The following XYLT1 variants were observed in gnomAD, a reference collection of about 807,000 sequenced individuals.
The protein encoded by XYLT1 is beta-D-xylosyltransferase 1.
XYLT1 carries 36 observed loss-of-function variants against 91.3 expected under a neutral mutation model. The ratio of observed to expected loss-of-function variants is 0.39; its 90% confidence interval spans 0.30 to 0.52. The LOEUF is 0.52. Among genes scored for constraint, XYLT1 ranks in the 20% least tolerant of loss-of-function variants. The pLI is 0.68. For missense variants in XYLT1, 1,242 were observed against 1,284.5 expected (o/e 0.97, Z 0.51); for synonymous variants, 588 against 532.0 (o/e 1.11, Z -1.45).
intron 9 of XYLT1, 149 bp downstream of exon 9, chr16:17,134,324 G>T: frequency 1.9e-6 from 2 of 1,040,626 alleles, no homozygotes; most frequent in Non-Finnish European, 1.4e-6. Context: ...GGAGGGTGGC[G>T]TTAGATGAGT....
chr16:17,117,930 C>T lies in XYLT1; in HGVS notation c.2273G>A (p.Gly758Asp), dbSNP rs750045412. The T allele has an allele frequency of 6.2e-7, 1 of 1,613,870 alleles. No homozygotes were observed. Among genetic ancestry groups the T allele is most frequent in the Admixed American group, 1.7e-5 (1 of 60,004 alleles). ...AKERLFRNFGGLLGPMDEPVG... is the reference protein window; with the variant it reads ...AKERLFRNFGDLLGPMDEPVG... ...CGGCTCATCCATGGGCCCCAGAAGA[C>T]CCCCAAAGTTGCGGAATAGCCTCTC... is the stretch of plus-strand genomic sequence containing the variant. The change falls in exon 11 of 12, where the codon GGT (glycine) becomes GAT (aspartate). Residue 758 changes from glycine to aspartate, a missense_variant. Physicochemically the swap from Gly to Asp is moderately conservative, Grantham distance 94. Transcript: ENST00000261381.
At chr16:17,213,456 C>A (rs911223878) in intron 3 of XYLT1, among the ~76,000 whole-genome samples, 2 of 152,254 alleles carry the variant, frequency 1.3e-5, no homozygotes, top group Admixed American at 1.3e-4. Context: ...GGGAGGCATT[C>A]TGACTATTCC....
At chr16:17,400,985 T>TACACACACACACAC (rs71373111) in intron 1 of XYLT1, among the ~76,000 whole-genome samples, 9 of 148,682 alleles carry the variant, frequency 6.1e-5, no homozygotes, top group African/African-American at 2.2e-4. Context: ...CTCTCTTTCA[T>TACACACACACACAC]ACACACACAC....
At chr16:17,386,180 A>G (rs1429694211) in intron 1 of XYLT1, among the ~76,000 whole-genome samples, 1 of 152,178 alleles carries the variant, frequency 6.6e-6, no homozygotes, top group Admixed American at 6.5e-5. Flanking sequence ...TTTTACTGCT[A>G]CCCAAATGTG....
intron 8 of XYLT1, among the ~76,000 whole-genome samples, chr16:17,136,409 T>TCTGTGGTGG (rs2030723290): frequency 6.6e-6 from 1 of 152,166 alleles, no homozygotes; most frequent in African/African-American, 2.4e-5. Flanking sequence ...AGGAAACCTC[T>TCTGTGGTGG]CTGTGGTGGG....
intron 2 of XYLT1, among the ~76,000 whole-genome samples, chr16:17,264,446 G>A (rs1037709408): frequency 6.6e-6 from 1 of 152,176 alleles, no homozygotes; most frequent in Admixed American, 6.5e-5. Flanking sequence ...GTGTGTATAT[G>A]CCACATTTTC....
At chr16:17,236,179 G>A (rs1280630913) in intron 3 of XYLT1, among the ~76,000 whole-genome samples, 1 of 152,126 alleles carries the variant, frequency 6.6e-6, no homozygotes, top group Non-Finnish European at 1.5e-5. Flanking sequence ...GAGGGAAGCT[G>A]GAGATCTTGA....
chr16:17,138,573 C>T (rs2030855173), intron 7 of XYLT1, 42 bp from the exon 8 acceptor site: 5 of 1,595,626 alleles, frequency 3.1e-6, no homozygotes, highest in Non-Finnish European at 3.4e-6. Context: ...CTCTCCCAGC[C>T]TCCCACAGAT....
At chr16:17,252,271 G>A (rs1218451413) in intron 3 of XYLT1, among the ~76,000 whole-genome samples, 1 of 152,146 alleles carries the variant, frequency 6.6e-6, no homozygotes, top group Non-Finnish European at 1.5e-5. Context: ...CCATTTTACT[G>A]TGCAGACTGA....
intron 5 of XYLT1, among the ~76,000 whole-genome samples, chr16:17,186,658 A>G (rs56168920): frequency 0.24 from 36,016 of 151,864 alleles, 5,025 homozygotes; most frequent in African/African-American, 0.39. Flanking sequence ...TGAGAAGCAC[A>G]TAGTGAGATG....
At chr16:17,285,803 T>C (rs1163710032) in intron 2 of XYLT1, among the ~76,000 whole-genome samples, 1 of 152,168 alleles carries the variant, frequency 6.6e-6, no homozygotes, top group African/African-American at 2.4e-5. Context: ...CCTAAAAATG[T>C]GTCCTTCTGA....
intron 2 of XYLT1, among the ~76,000 whole-genome samples, chr16:17,273,008 C>T (rs1312707763): frequency 6.6e-6 from 1 of 152,160 alleles, no homozygotes; most frequent in Admixed American, 6.5e-5. Flanking sequence ...ACATCAGAAA[C>T]CCAGCAGGAC....
Position 17,117,942 on chromosome 16 carries a change from C to T in XYLT1, c.2261G>A (p.Arg754His), listed in dbSNP as rs555809214. Residue 754 changes from arginine (R) to histidine (H), a missense_variant, in exon 11 of 12, where the codon CGC becomes CAC. Arg to His is a conservative substitution (Grantham distance 29). This residue lies in a region of XYLT1 where 511 missense variants were observed against 497.0 expected (regional missense o/e 1.03). Coordinates refer to ENST00000261381, the MANE Select transcript of XYLT1 (RefSeq NM_022166.4). The stretch of plus-strand genomic sequence containing the variant: ...GGGCCCCAGAAGACCCCCAAAGTTG[C>T]GGAATAGCCTCTCCTTGGCATCCCA... Reference protein sequence around the residue: ...TDWDAKERLFRNFGGLLGPMD... With the variant: ...TDWDAKERLFHNFGGLLGPMD... 3.9e-5 allele frequency: 63 copies of T among 1,613,250 alleles called. No homozygotes were observed. Among genetic ancestry groups the T allele is most frequent in the East Asian group, 1.8e-4 (8 of 44,846 alleles).
chr16:17,154,108 GC>G (rs2031348597), intron 6 of XYLT1, among the ~76,000 whole-genome samples: 1 of 152,174 alleles, frequency 6.6e-6, no homozygotes, highest in Non-Finnish European at 1.5e-5. Flanking sequence ...CCTGGAATGC[GC>G]CCAGCGTGGG....
At chr16:17,215,216 C>T (rs2032833264) in intron 3 of XYLT1, among the ~76,000 whole-genome samples, 3 of 152,252 alleles carry the variant, frequency 2.0e-5, no homozygotes, top group African/African-American at 7.2e-5. Flanking sequence ...ATTAGCCAGG[C>T]ATGGTGGTAG....
At chr16:17,426,297 T>C (rs1272981615) in intron 1 of XYLT1, among the ~76,000 whole-genome samples, 1 of 152,142 alleles carries the variant, frequency 6.6e-6, no homozygotes, top group East Asian at 1.9e-4. Flanking sequence ...CGGTGGCTCA[T>C]ACCTGTAATC....
chr16:17,395,822 C>T (rs1448565128), intron 1 of XYLT1, among the ~76,000 whole-genome samples: 2 of 152,164 alleles, frequency 1.3e-5, no homozygotes, highest in Non-Finnish European at 2.9e-5. Flanking sequence ...TCTTCAGGGA[C>T]CCTTCGGGGA....
At chr16:17,286,767 C>G (rs367618297) in intron 2 of XYLT1, among the ~76,000 whole-genome samples, 1 of 152,218 alleles carries the variant, frequency 6.6e-6, no homozygotes. Context: ...ACCTTCACCA[C>G]AAAGTATAGC....
chr16:17,411,935 T>C (rs2036114551), intron 1 of XYLT1, among the ~76,000 whole-genome samples: 1 of 152,102 alleles, frequency 6.6e-6, no homozygotes, highest in Non-Finnish European at 1.5e-5. Flanking sequence ...CATCACTAGG[T>C]GGCCCGGAGG....
Sources: gnomAD v4.1 joint callset for allele counts (sites outside exome capture counted in the v4.1 genomes callset) on GRCh38, gnomAD v4.1.1 for gene constraint, gnomAD v4.1.1 regional missense constraint, MANE v1.5 for transcripts, NCBI Gene and HGNC (gene_info 2026-07-23, HGNC 2026-07-21) for gene names.